The following RBBP4 variants were observed in gnomAD, a reference collection of about 807,000 sequenced individuals.
The protein encoded by RBBP4 is histone-binding protein RBBP4.
Under a neutral mutation model 57.2 loss-of-function variants are expected in RBBP4, and 3 were observed. The observed-to-expected ratio is 0.05, with a 90% CI of 0.02 to 0.14. The LOEUF (loss-of-function observed/expected upper bound fraction) is 0.14. Ranked by LOEUF, RBBP4 falls within the 10% of genes least tolerant of loss-of-function variation. The probability of loss-of-function intolerance (pLI) is 1.00; values close to 1 mark genes in which losing one functional copy is unlikely to be tolerated. For synonymous variants in RBBP4, 151 were observed against 171.5 expected (o/e 0.88, Z 0.93); for missense variants, 107 against 520.6 (o/e 0.21, Z 7.73).
intron 3 of RBBP4, among the ~76,000 whole-genome samples, chr1:32,660,808 T>G (rs1227453699): frequency 6.6e-6 from 1 of 152,014 alleles, no homozygotes; most frequent in Non-Finnish European, 1.5e-5. Flanking sequence ...CCTAAATGAT[T>G]GAGTTTTTGT....
At chr1:32,658,443 ACT>A (rs1648240228) in intron 3 of RBBP4, among the ~76,000 whole-genome samples, 1 of 151,288 alleles carries the variant, frequency 6.6e-6, no homozygotes, top group Non-Finnish European at 1.5e-5. Context: ...TAACCATGGC[ACT>A]CTCTATGTGT....
At chr1:32,662,363 TTTGTTGTTG>T (rs538944772) in intron 3 of RBBP4, 4 of 178,096 alleles carry the variant, frequency 2.2e-5, no homozygotes, top group Non-Finnish European at 3.7e-5. Context: ...CCAGCTAATT[TTTGTTGTTG>T]TTGTTGTTGT....
chr1:32,667,556 C>A (rs1648707910), intron 3 of RBBP4, among the ~76,000 whole-genome samples: 1 of 152,186 alleles, frequency 6.6e-6, no homozygotes, highest in African/African-American at 2.4e-5. Context: ...CAGGTGTTTT[C>A]TCTTTATCTC....
chr1:32,656,137 G>C (rs1222117846), intron 2 of RBBP4, among the ~76,000 whole-genome samples: 1 of 152,050 alleles, frequency 6.6e-6, no homozygotes, highest in East Asian at 1.9e-4. Context: ...CAGCATACTT[G>C]TTACTTAGTA....
rs1649514265 is a variant in RBBP4, at chr1:32,682,543, CACGT to C, written c.*2839_*2842del. 1.3e-5 allele frequency: 2 copies of C among 152,184 alleles called. No individual in the cohort carries two copies. Among genetic ancestry groups the C allele is most frequent in the African/African-American group, 2.4e-5 (1 of 41,426 alleles). The allele number at this position is 152,184 out of a possible 1,614,324, so 9.4% of individuals were successfully genotyped here. ...ATCCCAGCACTTTGAGAGGCTGAGG[CACGT>C]GGATCACAAGGTCAGGAGTTCAAGA... is the stretch of plus-strand genomic sequence containing the variant. On this transcript the variant is annotated 3_prime_UTR_variant, in exon 12 of 12. Transcript: ENST00000373493.
intron 2 of RBBP4, among the ~76,000 whole-genome samples, chr1:32,654,868 T>C (rs911915927): frequency 3.3e-5 from 5 of 152,142 alleles, no homozygotes; most frequent in Non-Finnish European, 5.9e-5. Flanking sequence ...TAATTTTTTG[T>C]ATTTTTAGTA....
chr1:32,677,372 T>G (rs1446786294), intron 11 of RBBP4, among the ~76,000 whole-genome samples: 2 of 151,380 alleles, frequency 1.3e-5, no homozygotes, highest in Non-Finnish European at 2.9e-5. Context: ...ACATACTGGG[T>G]GGGTAGCATG....
At position 32,669,661 on chromosome 1, in the gene RBBP4, C is replaced by A. The variant is rs541022949; in HGVS notation, c.966+98C>A. 5.5e-6 allele frequency: 8 copies of A among 1,453,858 alleles called. No homozygotes were observed. The Admixed American group carries it at 7.7e-5, about 14-fold the overall frequency. 90.1% of individuals were successfully genotyped at this position (1,453,858 alleles called of 1,614,324 possible). ...ATCCCAGCACTTTGGGAGGCTGAAGCGGGCGGATCACAAGGTCAGGAGATC... is the reference window on the plus strand; with the variant it reads ...ATCCCAGCACTTTGGGAGGCTGAAGAGGGCGGATCACAAGGTCAGGAGATC... On this transcript the variant is annotated intron_variant, in intron 8 of 11. Coordinates refer to ENST00000373493, the MANE Select transcript of RBBP4 (RefSeq NM_005610.3). This position sits in a 1 kb window ranked among gnomAD's most constrained non-coding sequence, Gnocchi z 4.9.
At chr1:32,675,867 G>A (rs1265891055) in intron 11 of RBBP4, among the ~76,000 whole-genome samples, 2 of 152,132 alleles carry the variant, frequency 1.3e-5, no homozygotes, top group Non-Finnish European at 2.9e-5. Flanking sequence ...AAAGCCGGAG[G>A]ATCACTTGAG....
intron 11 of RBBP4, among the ~76,000 whole-genome samples, chr1:32,677,743 T>C (rs1051991644): frequency 6.6e-6 from 1 of 152,120 alleles, no homozygotes; most frequent in Admixed American, 6.5e-5. Flanking sequence ...TAAGAAAGGG[T>C]ACCCCACATT....
intron 3 of RBBP4, among the ~76,000 whole-genome samples, chr1:32,662,896 A>C (rs547406861): frequency 6.6e-6 from 1 of 151,928 alleles, no homozygotes; most frequent in African/African-American, 2.4e-5. Context: ...ATGCAGTAGA[A>C]TCGCTTGAAC....
chr1:32,673,442 C>CTTTTT, intron 11 of RBBP4: 1 of 366,634 alleles, frequency 2.7e-6, no homozygotes, highest in South Asian at 2.0e-5. Flanking sequence ...TAAATTTTCT[C>CTTTTT]TTTTTTTTTT....
chr1:32,655,394 GA>G (rs137907060), intron 2 of RBBP4, among the ~76,000 whole-genome samples: 10,622 of 152,114 alleles, frequency 0.07, 1,242 homozygotes, highest in African/African-American at 0.24. Context: ...CCTTTAAAAA[GA>G]AAGAAAAACC....
chr1:32,677,994 A>G (rs1481930794), intron 11 of RBBP4, among the ~76,000 whole-genome samples: 1 of 152,222 alleles, frequency 6.6e-6, no homozygotes, highest in African/African-American at 2.4e-5. Context: ...AGTTTATTCT[A>G]TACAAGAACA....
rs141143280 is a variant in RBBP4, at chr1:32,668,437, A to G, written c.484+39A>G. ...TCTATTCAAATACAAATGAGTCACT[A>G]TAGAAATACATGGTTCCACTCACTG... On this transcript the variant is annotated intron_variant, in intron 4 of 11. Coordinates refer to ENST00000373493, the MANE Select transcript of RBBP4 (RefSeq NM_005610.3). 2.0e-3 allele frequency: 2,988 copies of G among 1,511,018 alleles called. 31 individuals are homozygous for G. The African/African-American group carries it at 0.022, about 11-fold the overall frequency. The allele number at this position is 1,511,018 out of a possible 1,614,324, so 93.6% of individuals were successfully genotyped here.
intron 3 of RBBP4, among the ~76,000 whole-genome samples, chr1:32,663,298 C>T (rs1648502827): frequency 6.6e-6 from 1 of 152,124 alleles, no homozygotes; most frequent in Non-Finnish European, 1.5e-5. Flanking sequence ...TGTTATACCT[C>T]ACGTTTGTTT....
At chr1:32,666,282 G>A (rs1033379419) in intron 3 of RBBP4, among the ~76,000 whole-genome samples, 2 of 152,098 alleles carry the variant, frequency 1.3e-5, no homozygotes, top group Non-Finnish European at 2.9e-5. Context: ...AGCACACTGT[G>A]TACTTAATAT....
rs979772803 is a variant in RBBP4 at position 32,651,781 on chromosome 1, G to A, written c.17-133G>A. 2.3e-5 allele frequency: 25 copies of A among 1,065,876 alleles called. No individual in the cohort carries two copies. The African/African-American group carries it at 3.7e-4, about 16-fold the overall frequency. 66.0% of individuals were successfully genotyped at this position (1,065,876 alleles called of 1,614,324 possible). A position where few individuals can be genotyped will look rare whatever the true frequency, so the allele number is the denominator to read the frequency against. On this transcript the variant is annotated intron_variant, in intron 1 of 11. Transcript: ENST00000373493. ...CGCCGCGAAAGTGGAGAGTGTGGATGCCTCTGCCGTGGGGATTTAGACAAA... is the reference window on the plus strand; with the variant it reads ...CGCCGCGAAAGTGGAGAGTGTGGATACCTCTGCCGTGGGGATTTAGACAAA...
chr1:32,680,735 AGTT>A lies in RBBP4; in HGVS notation c.*1036_*1038del. The A allele has an allele frequency of 1.8e-6, 1 of 550,402 alleles. No individual in the cohort carries two copies. Among genetic ancestry groups the A allele is most frequent in the Non-Finnish European group, 3.2e-6 (1 of 312,116 alleles). 34.1% of individuals were successfully genotyped at this position (550,402 alleles called of 1,614,324 possible). A position where few individuals can be genotyped will look rare whatever the true frequency, so the allele number is the denominator to read the frequency against. ...CTTCTAGAAGAGTCCTTCAGATGAC[AGTT>A]GTTGTCCATGGTCTTTGACTATCAA... On this transcript the variant is annotated 3_prime_UTR_variant, in exon 12 of 12. Transcript: ENST00000373493.
Sources: gnomAD v4.1 joint callset for allele counts (sites outside exome capture counted in the v4.1 genomes callset) on GRCh38, gnomAD v4.1.1 for gene constraint, Gnocchi (gnomAD v3.1) non-coding constraint, MANE v1.5 for transcripts, NCBI Gene and HGNC (gene_info 2026-07-23, HGNC 2026-07-21) for gene names.